AUTS2: variants seen among roughly 807,000 people sequenced by gnomAD.
The protein encoded by AUTS2 is autism susceptibility gene 2 protein.
Under a neutral mutation model 112.4 loss-of-function variants are expected in AUTS2, and 17 were observed. The observed-to-expected ratio is 0.15, with a 90% CI of 0.10 to 0.23. The LOEUF (loss-of-function observed/expected upper bound fraction) is 0.23. Ranked by LOEUF, AUTS2 falls within the 10% of genes least tolerant of loss-of-function variation. The pLI is 1.00. For synonymous variants in AUTS2, 751 were observed against 702.7 expected (o/e 1.07, Z -1.09); for missense variants, 1,510 against 1,701.6 (o/e 0.89, Z 1.98).
At chr7:69,819,801 C>G (rs1486195184) in intron 1 of AUTS2, among the ~76,000 whole-genome samples, 1 of 152,144 alleles carries the variant, frequency 6.6e-6, no homozygotes, top group Non-Finnish European at 1.5e-5. Flanking sequence ...TGTATTTTTG[C>G]AGAGACAGGG....
intron 2 of AUTS2, among the ~76,000 whole-genome samples, chr7:69,991,945 T>C (rs949581425): frequency 6.6e-6 from 1 of 152,182 alleles, no homozygotes; most frequent in African/African-American, 2.4e-5. Flanking sequence ...TACTATACCT[T>C]TGAAGTTTTT....
chr7:70,721,321 G>A (rs1382514617), intron 6 of AUTS2, among the ~76,000 whole-genome samples: 3 of 99,368 alleles, frequency 3.0e-5, no homozygotes, highest in Admixed American at 1.2e-4. Context: ...TGTTTCCGAT[G>A]GAGTCTCACT....
At chr7:70,415,400 A>G (rs546018583) in intron 4 of AUTS2, among the ~76,000 whole-genome samples, 2 of 152,236 alleles carry the variant, frequency 1.3e-5, no homozygotes, top group Non-Finnish European at 2.9e-5. Context: ...ATGTGTAAGC[A>G]TATTGCATAG....
At chr7:69,962,843 G>A in intron 2 of AUTS2, among the ~76,000 whole-genome samples, 1 of 152,124 alleles carries the variant, frequency 6.6e-6, no homozygotes, top group African/African-American at 2.4e-5. Flanking sequence ...AAGGGTGGAA[G>A]ACGTACGGTT....
intron 4 of AUTS2, among the ~76,000 whole-genome samples, chr7:70,402,737 A>T (rs1025773544): frequency 1.3e-5 from 2 of 152,170 alleles, no homozygotes; most frequent in African/African-American, 4.8e-5. Flanking sequence ...TTCAGTCTCC[A>T]ATTGTAAAGG....
intron 1 of AUTS2, among the ~76,000 whole-genome samples, chr7:69,897,470 C>T (rs1413734960): frequency 2.6e-5 from 4 of 151,962 alleles, no homozygotes; most frequent in African/African-American, 7.3e-5. Context: ...CTCCCTTAGG[C>T]CCTTTATAAG....
At chr7:70,320,577 A>G (rs1790209070) in intron 4 of AUTS2, among the ~76,000 whole-genome samples, 1 of 152,220 alleles carries the variant, frequency 6.6e-6, no homozygotes, top group African/African-American at 2.4e-5. Flanking sequence ...GTACTACATC[A>G]CTGGGGAAGA....
chr7:69,971,147 T>C (rs139487308), intron 2 of AUTS2, among the ~76,000 whole-genome samples: 3 of 152,254 alleles, frequency 2.0e-5, no homozygotes, highest in East Asian at 3.9e-4. Flanking sequence ...CACTGCACTT[T>C]AGCTTGGGCG....
intron 1 of AUTS2, among the ~76,000 whole-genome samples, chr7:69,643,538 C>T (rs1334482556): frequency 2.0e-5 from 3 of 152,038 alleles, no homozygotes; most frequent in Admixed American, 1.3e-4. Flanking sequence ...CTTCTCAGCT[C>T]CACAGAGTAT....
intron 5 of AUTS2, among the ~76,000 whole-genome samples, chr7:70,538,641 T>C (rs1303808390): frequency 6.6e-6 from 1 of 152,220 alleles, no homozygotes; most frequent in Non-Finnish European, 1.5e-5. Flanking sequence ...AGGTTGTTGA[T>C]TTATGAACTT....
chr7:70,281,888 T>C (rs567372395), intron 4 of AUTS2, among the ~76,000 whole-genome samples: 2 of 152,330 alleles, frequency 1.3e-5, no homozygotes, highest in Admixed American at 6.5e-5. Flanking sequence ...TCTACTCTTA[T>C]CTGCTGCTTT....
rs190823096 is a variant in AUTS2, at chr7:70,602,213, A to G, written c.691-96356A>G. Among the ~76,000 whole-genome samples, 263 of 152,336 alleles carry G rather than the reference A, an allele frequency of 1.7e-3. 1 individual carries two copies. Among genetic ancestry groups the G allele is most frequent in the Admixed American group, 5.4e-3 (82 of 15,308 alleles). On this transcript the variant is annotated intron_variant, in intron 5 of 18. Coordinates refer to ENST00000342771, the MANE Select transcript of AUTS2 (RefSeq NM_015570.4). The stretch of plus-strand genomic sequence containing the variant: ...TCACATAGCTAGGGCCTCTGCACGT[A>G]TGATAACAAGACAGCTACCTTAGAC...
chr7:70,590,132 G>A (rs988411702), intron 5 of AUTS2, among the ~76,000 whole-genome samples: 4 of 120,084 alleles, frequency 3.3e-5, no homozygotes, highest in African/African-American at 1.4e-4. Flanking sequence ...TTGTGTGTGT[G>A]TGTGTGTGTG....
chr7:70,181,137 G>A (rs1281630939), intron 4 of AUTS2, among the ~76,000 whole-genome samples: 2 of 152,096 alleles, frequency 1.3e-5, no homozygotes, highest in Admixed American at 6.5e-5. Flanking sequence ...GCTATGTTTT[G>A]CTCTTCCACT....
At position 69,633,933 on chromosome 7, in the gene AUTS2, C is replaced by A. The variant is rs150904983; in HGVS notation, c.309+33971C>A. ...GGTTATTTCTTTTGCTGTGCAGAAG[C>A]CTTTTAGTTTGCTGCAGCCCCATAT... On this transcript the variant is annotated intron_variant, in intron 1 of 18. Transcript: ENST00000342771. 2.2e-3 allele frequency among the ~76,000 whole-genome samples: 338 copies of A among 152,110 alleles called. 2 individuals carry two copies. Among genetic ancestry groups the A allele is most frequent in the African/African-American group, 7.8e-3 (324 of 41,504 alleles).
rs936622280 is a variant in AUTS2, at chr7:70,126,017, A to G, written c.624+7784A>G. Among the ~76,000 whole-genome samples, 11 of 152,338 alleles carry G rather than the reference A, an allele frequency of 7.2e-5. No homozygotes were observed. The South Asian group carries it at 1.7e-3, about 23-fold the overall frequency. ...TTACTCTCAAGTGAGGCTAATCAAA[A>G]TAGTATATTATTCTAGCTTTGTTTT... On this transcript the variant is annotated intron_variant, in intron 3 of 18. Coordinates refer to ENST00000342771, the MANE Select transcript of AUTS2 (RefSeq NM_015570.4).
intron 2 of AUTS2, among the ~76,000 whole-genome samples, chr7:70,081,599 A>C (rs1803320251): frequency 6.6e-6 from 1 of 151,854 alleles, no homozygotes; most frequent in African/African-American, 2.4e-5. Context: ...TGAGAACAAA[A>C]TGGTCTTTTG....
rs547411933 is a variant in AUTS2, at chr7:70,352,021, A to G, written c.661-83731A>G. On this transcript the variant is annotated intron_variant, in intron 4 of 18. Coordinates refer to ENST00000342771, the MANE Select transcript of AUTS2 (RefSeq NM_015570.4). ...CCCAGCCTTGACCATTATTTTTAAT[A>G]GCTAACAATTATTGAGGGCTTACCA... Among the ~76,000 whole-genome samples, 17 of 152,330 alleles carry G rather than the reference A, an allele frequency of 1.1e-4. No homozygotes were observed. The East Asian group carries it at 3.1e-3, about 28-fold the overall frequency.
chr7:69,745,055 C>T (rs148868058), intron 1 of AUTS2, among the ~76,000 whole-genome samples: 215 of 152,286 alleles, frequency 1.4e-3, no homozygotes, highest in Non-Finnish European at 2.4e-3. Context: ...AACATCTCTT[C>T]TTAGTCCCCA....
Sources: allele counts gnomAD v4.1 joint callset (sites outside exome capture counted in the v4.1 genomes callset), GRCh38; gene constraint gnomAD v4.1.1; transcripts MANE v1.5; gene names NCBI Gene and HGNC (gene_info 2026-07-23, HGNC 2026-07-21).